Variants in MTSS1 observed in about 807,000 individuals in gnomAD.
MTSS1 encodes the protein MTSS I-BAR domain containing 1.
MTSS1 carries 18 observed loss-of-function variants against 79.0 expected under a neutral mutation model. The ratio of observed to expected loss-of-function variants is 0.23; its 90% CI spans 0.16 to 0.34. MTSS1 has a LOEUF of 0.34. MTSS1 is among the 10% of genes least tolerant of loss of function. MTSS1 has a pLI of 1.00. For synonymous variants in MTSS1, 341 were observed against 368.6 expected, an observed-to-expected ratio of 0.93 and a Z score of 0.86; for missense variants, 815 against 986.2, an observed-to-expected ratio of 0.83 and a Z score of 2.33.
intron 1 of MTSS1, among the ~76,000 whole-genome samples, chr8:124,704,514 C>T: frequency 6.6e-6 from 1 of 152,190 alleles, no homozygotes; most frequent in East Asian, 1.9e-4. Context: ...CCCTGAACCA[C>T]TTGTTCATGA....
In MTSS1 at chr8:124,558,220, C is replaced by G. The variant is rs138758715; in HGVS notation, c.1036-345G>C. Among the ~76,000 whole-genome samples, 12 of 148,982 alleles carry G rather than the reference C, an allele frequency of 8.1e-5. No individual in the cohort carries two copies. The East Asian group carries it at 2.4e-3, about 30-fold the overall frequency. On this transcript the variant is annotated intron_variant, in intron 10 of 13. Coordinates refer to ENST00000518547, the MANE Select transcript of MTSS1 (RefSeq NM_014751.6). Reference sequence around the variant, plus strand: ...AATGGTGATAGTGATTTGCTCATTTCATTATGCAAATTTAAAAATTCCAAA... The same window carrying G: ...AATGGTGATAGTGATTTGCTCATTTGATTATGCAAATTTAAAAATTCCAAA...
chr8:124,601,748 C>T (rs1243792967), intron 3 of MTSS1, among the ~76,000 whole-genome samples: 3 of 152,182 alleles, frequency 2.0e-5, no homozygotes, highest in Admixed American at 1.3e-4. Context: ...TCTGCTGCCC[C>T]GGGGGATGCC....
At chr8:124,564,547 C>T (rs1234453510) in intron 9 of MTSS1, among the ~76,000 whole-genome samples, 7 of 152,134 alleles carry the variant, frequency 4.6e-5, no homozygotes, top group African/African-American at 1.2e-4. Context: ...AACTCCACCC[C>T]GGCAGCCTCA....
chr8:124,625,153 G>A (rs570444568), intron 3 of MTSS1, among the ~76,000 whole-genome samples: 6 of 152,254 alleles, frequency 3.9e-5, no homozygotes, highest in Admixed American at 6.5e-5. Flanking sequence ...TGTCATCCTC[G>A]TCTGCCAGGA....
At chr8:124,676,332 G>T (rs1825284168) in intron 3 of MTSS1, among the ~76,000 whole-genome samples, 1 of 152,204 alleles carries the variant, frequency 6.6e-6, no homozygotes, top group Non-Finnish European at 1.5e-5. Context: ...AAAGAAAAAT[G>T]ATACAGGAAA....
At position 124,623,417 on chromosome 8, in the gene MTSS1, A is replaced by G. The variant is rs186019273; in HGVS notation, c.209-32182T>C. Among the ~76,000 whole-genome samples the G allele has an allele frequency of 2.6e-3, 400 of 152,332 alleles. 2 individuals carry two copies. The highest frequency in any genetic ancestry group is 4.3e-3 in the Non-Finnish European group (295 of 68,026). On this transcript the variant is annotated intron_variant, in intron 3 of 13. Coordinates refer to ENST00000518547, the MANE Select transcript of MTSS1 (RefSeq NM_014751.6). ...TTAGGCTCAATTTTGTGAATGCCAC[A>G]TTTTCTTTTACCAAACATAACCAAA...
intron 3 of MTSS1, among the ~76,000 whole-genome samples, chr8:124,630,348 G>A (rs537018291): frequency 6.6e-6 from 1 of 151,440 alleles, no homozygotes; most frequent in African/African-American, 2.4e-5. Flanking sequence ...CAGACTGTCA[G>A]CCACATGGGA....
At chr8:124,717,546 G>A (rs113351636) in intron 1 of MTSS1, among the ~76,000 whole-genome samples, 909 of 147,696 alleles carry the variant, frequency 6.2e-3, no homozygotes, top group Non-Finnish European at 9.2e-3. Context: ...AGCGAGCCAA[G>A]ATTGCACCAC....
At chr8:124,558,393 A>G (rs952775083) in intron 10 of MTSS1, among the ~76,000 whole-genome samples, 2 of 152,034 alleles carry the variant, frequency 1.3e-5, no homozygotes, top group Non-Finnish European at 2.9e-5. Context: ...GGCTCATCCA[A>G]CGGTCTGGTG....
rs1401293003 is a variant in MTSS1 at position 124,727,092 on chromosome 8, G to A, written c.72+792C>T. Among the ~76,000 whole-genome samples the A allele has an allele frequency of 6.6e-6, 1 of 151,692 alleles. No homozygotes were observed. The highest frequency in any genetic ancestry group is 1.5e-5 in the Non-Finnish European group (1 of 67,870). On this transcript the variant is annotated intron_variant, in intron 1 of 13. Coordinates refer to ENST00000518547, the MANE Select transcript of MTSS1 (RefSeq NM_014751.6). This position sits in a 1 kb window ranked among gnomAD's most constrained non-coding sequence, Gnocchi z 4.7. The stretch of plus-strand genomic sequence containing the variant: ...TGTTGTTCCCCGCCCCCACGCGCGC[G>A]CGCGCACACACACATGCACGCGCGC...
chr8:124,723,295 G>A (rs139200195), intron 1 of MTSS1, among the ~76,000 whole-genome samples: 183 of 152,262 alleles, frequency 1.2e-3, no homozygotes, highest in African/African-American at 4.2e-3. Context: ...TAAATACTAC[G>A]GAATGAGTAT....
chr8:124,691,340 A>T (rs118168255), intron 3 of MTSS1, among the ~76,000 whole-genome samples: 1 of 152,288 alleles, frequency 6.6e-6, no homozygotes, highest in East Asian at 1.9e-4. Flanking sequence ...TAATAACCAC[A>T]GTTTTTAGCT....
intron 3 of MTSS1, among the ~76,000 whole-genome samples, chr8:124,609,335 G>A (rs978843000): frequency 2.0e-4 from 30 of 152,124 alleles, no homozygotes; most frequent in Admixed American, 1.4e-3. Context: ...TGGCAACCCC[G>A]GTCTAGAGGA....
At chr8:124,558,840 A>C in intron 10 of MTSS1, 1 of 1,551,972 alleles carries the variant, frequency 6.4e-7, no homozygotes, top group Non-Finnish European at 8.6e-7. Context: ...GTTCTGCAGC[A>C]GGGGAGGGGC....
intron 3 of MTSS1, among the ~76,000 whole-genome samples, chr8:124,690,423 G>A (rs187667903): frequency 5.0e-4 from 76 of 152,282 alleles, no homozygotes; most frequent in Non-Finnish European, 9.1e-4. Flanking sequence ...ATAGAATTCT[G>A]GTGACATCCT....
At chr8:124,708,844 T>G (rs944527478) in intron 1 of MTSS1, among the ~76,000 whole-genome samples, 1 of 151,876 alleles carries the variant, frequency 6.6e-6, no homozygotes, top group African/African-American at 2.4e-5. Flanking sequence ...GGCCCACCTG[T>G]TTTAGGCAAT....
At chr8:124,568,651 A>G in intron 6 of MTSS1, 115 bp from the exon 7 acceptor site, 1 of 1,520,416 alleles carries the variant, frequency 6.6e-7, no homozygotes, top group Non-Finnish European at 9.0e-7. Context: ...AGGATGTAAA[A>G]AAAGTATTTA....
intron 10 of MTSS1, chr8:124,558,746 G>A: frequency 6.3e-7 from 1 of 1,580,742 alleles, no homozygotes; most frequent in Non-Finnish European, 8.5e-7. Context: ...CCATGGTGGA[G>A]CCCGAGCTGA....
chr8:124,588,698 C>T (rs576957366), intron 5 of MTSS1, among the ~76,000 whole-genome samples: 1 of 152,274 alleles, frequency 6.6e-6, no homozygotes, highest in Admixed American at 6.5e-5. Context: ...TTTAAACCTG[C>T]CATGATGATT....
Sources: allele counts gnomAD v4.1 joint callset (sites outside exome capture counted in the v4.1 genomes callset), GRCh38; gene constraint gnomAD v4.1.1; non-coding constraint Gnocchi (gnomAD v3.1); transcripts MANE v1.5; gene names NCBI Gene and HGNC (gene_info 2026-07-23, HGNC 2026-07-21).